The following ELP4 variants were observed in gnomAD, a reference collection of about 807,000 sequenced individuals.
ELP4 encodes elongator complex protein 4.
Under a neutral mutation model 48.9 loss-of-function variants are expected in ELP4, and 51 were observed. That is an observed-to-expected ratio of 1.04 (90% CI 0.83 to 1.32). The LOEUF is 1.32. ELP4 is among the 40% of genes most tolerant of loss of function. The pLI is 0.00. For missense variants in ELP4, 519 were observed against 514.6 expected, an observed-to-expected ratio of 1.01 and a Z score of -0.08; for synonymous variants, 210 against 189.2, an observed-to-expected ratio of 1.11 and a Z score of -0.90.
intron 8 of ELP4, chr11:31,648,856 T>C (rs1239894066): frequency 6.6e-6 from 1 of 151,664 alleles, no homozygotes; most frequent in Non-Finnish European, 1.5e-5. Flanking sequence ...TTCTAATGAC[T>C]AGTATGCTTT....
intron 9 of ELP4, among the ~76,000 whole-genome samples, chr11:31,700,556 G>C (rs998330083): frequency 6.6e-6 from 1 of 151,996 alleles, no homozygotes; most frequent in Admixed American, 6.6e-5. Flanking sequence ...AAGGTATCCT[G>C]GCCCAAATAA....
chr11:31,529,133 T>A (rs1451853757), intron 2 of ELP4, among the ~76,000 whole-genome samples: 1 of 151,832 alleles, frequency 6.6e-6, no homozygotes, highest in Non-Finnish European at 1.5e-5. Flanking sequence ...AAAAAAAAGT[T>A]ATTATGAGGA....
intron 3 of ELP4, among the ~76,000 whole-genome samples, chr11:31,593,562 A>G (rs911186593): frequency 2.0e-5 from 3 of 152,158 alleles, no homozygotes; most frequent in Non-Finnish European, 4.4e-5. Flanking sequence ...AAATACTATT[A>G]CCTCCATTTT....
intron 9 of ELP4, among the ~76,000 whole-genome samples, chr11:31,743,383 T>A (rs1947503395): frequency 6.6e-6 from 1 of 152,186 alleles, no homozygotes; most frequent in Non-Finnish European, 1.5e-5. Flanking sequence ...AACTCAGCTC[T>A]GCACCAAGTG....
At chr11:31,778,939 C>G (rs754640169) in intron 9 of ELP4, among the ~76,000 whole-genome samples, 1 of 152,112 alleles carries the variant, frequency 6.6e-6, no homozygotes, top group Non-Finnish European at 1.5e-5. Flanking sequence ...CCAGGCTGGT[C>G]TTGAACTCCC....
intron 9 of ELP4, among the ~76,000 whole-genome samples, chr11:31,715,886 C>G (rs1481724984): frequency 6.6e-6 from 1 of 152,100 alleles, no homozygotes; most frequent in Non-Finnish European, 1.5e-5. Flanking sequence ...AAATAAAATT[C>G]AAACAGTACA....
chr11:31,776,698 A>G (rs1407883920), intron 9 of ELP4, among the ~76,000 whole-genome samples: 2 of 152,244 alleles, frequency 1.3e-5, no homozygotes, highest in Non-Finnish European at 2.9e-5. Flanking sequence ...TTCAATGGAC[A>G]GCCAATGTGC....
At chr11:31,644,657 C>T (rs1044347318) in intron 7 of ELP4, among the ~76,000 whole-genome samples, 3 of 151,588 alleles carry the variant, frequency 2.0e-5, no homozygotes, top group Non-Finnish European at 2.9e-5. Flanking sequence ...AGTAAATTCA[C>T]CTGCTTTTAT....
chr11:31,698,311 C>T (rs904152262), intron 9 of ELP4, among the ~76,000 whole-genome samples: 1 of 151,994 alleles, frequency 6.6e-6, no homozygotes, highest in Admixed American at 6.6e-5. Flanking sequence ...CTCTTTCAAA[C>T]CTTTTATGTT....
At chr11:31,750,428 T>C (rs79025111) in intron 9 of ELP4, among the ~76,000 whole-genome samples, 3,291 of 152,092 alleles carry the variant, frequency 0.022, 132 homozygotes, top group East Asian at 0.12. Flanking sequence ...GATTACCTCA[T>C]TCACAGTAAA....
rs75265710 is a variant in ELP4 at position 31,551,064 on chromosome 11, A to G, written c.381+11281A>G. ...TCGCACTTGTTTAAAATTTCCATTGAAAGCTCTGCTCTTTGCAACTGATTT... is the reference window on the plus strand; with the variant it reads ...TCGCACTTGTTTAAAATTTCCATTGGAAGCTCTGCTCTTTGCAACTGATTT... On this transcript the variant is annotated intron_variant, in intron 3 of 9. Coordinates refer to ENST00000640961, the MANE Select transcript of ELP4 (RefSeq NM_019040.5). Among the ~76,000 whole-genome samples the G allele has an allele frequency of 8.2e-3, 1,250 of 152,290 alleles. 14 individuals are homozygous for G. The highest frequency in any genetic ancestry group is 0.028 in the African/African-American group (1,166 of 41,564).
chr11:31,645,578 C>G (rs1174755059), intron 7 of ELP4: 1 of 151,640 alleles, frequency 6.6e-6, no homozygotes, highest in Non-Finnish European at 1.5e-5. Flanking sequence ...TAGATGAGTT[C>G]TAACAAAAAT....
intron 2 of ELP4, among the ~76,000 whole-genome samples, chr11:31,525,969 C>G (rs1956288525): frequency 6.6e-6 from 1 of 152,108 alleles, no homozygotes; most frequent in Non-Finnish European, 1.5e-5. Context: ...CCAGACCTTT[C>G]CAGTTTGCCC....
rs115733586 is a variant in ELP4 at position 31,523,994 on chromosome 11, C to T, written c.259+3903C>T. The stretch of plus-strand genomic sequence containing the variant: ...CAAAAAGGTTTAATAGAAGTTGTCA[C>T]CTATTAAAATAATAGGTGACATTTA... On this transcript the variant is annotated intron_variant, in intron 2 of 9. Coordinates refer to ENST00000640961, the MANE Select transcript of ELP4 (RefSeq NM_019040.5). 1.5e-3 allele frequency among the ~76,000 whole-genome samples: 224 copies of T among 151,680 alleles called. 2 individuals are homozygous for T. Among genetic ancestry groups the T allele is most frequent in the African/African-American group, 5.2e-3 (214 of 41,350 alleles).
At position 31,547,571 on chromosome 11, in the gene ELP4, G is replaced by A. The variant is rs911740189; in HGVS notation, c.381+7788G>A. Among the ~76,000 whole-genome samples the A allele has an allele frequency of 2.6e-5, 4 of 152,120 alleles. 1 individual carries two copies. The East Asian group carries it at 5.8e-4, about 22-fold the overall frequency. Reference sequence around the variant, plus strand: ...CTACCAGAGGTACAAGGAGGAACTGGTACCATTCCTTCTGAAACTGTTCCA... The same window carrying A: ...CTACCAGAGGTACAAGGAGGAACTGATACCATTCCTTCTGAAACTGTTCCA... On this transcript the variant is annotated intron_variant, in intron 3 of 9. Coordinates refer to ENST00000640961, the MANE Select transcript of ELP4 (RefSeq NM_019040.5).
intron 3 of ELP4, among the ~76,000 whole-genome samples, chr11:31,548,221 G>A (rs1226289586): frequency 6.6e-6 from 1 of 152,192 alleles, no homozygotes; most frequent in Non-Finnish European, 1.5e-5. Flanking sequence ...TGACGTGATT[G>A]TATATCTAGA....
At chr11:31,533,321 A>G in intron 2 of ELP4, among the ~76,000 whole-genome samples, 1 of 143,094 alleles carries the variant, frequency 7.0e-6, no homozygotes, top group Non-Finnish European at 1.5e-5. Context: ...TTCATTTAGG[A>G]TAATGGCCTC....
intron 9 of ELP4, among the ~76,000 whole-genome samples, chr11:31,716,009 G>GGTTT (rs577865268): frequency 1.6e-3 from 250 of 152,122 alleles, no homozygotes; most frequent in African/African-American, 5.7e-3. Flanking sequence ...AGTACAAGGA[G>GGTTT]GTTTGTTTGT....
intron 9 of ELP4, among the ~76,000 whole-genome samples, chr11:31,700,360 A>G (rs568019815): frequency 6.6e-6 from 1 of 152,236 alleles, no homozygotes; most frequent in South Asian, 2.1e-4. Flanking sequence ...TTATTCTAAA[A>G]TGATCACTGA....
Sources: gnomAD v4.1 joint callset for allele counts (sites outside exome capture counted in the v4.1 genomes callset) on GRCh38, gnomAD v4.1.1 for gene constraint, MANE v1.5 for transcripts, NCBI Gene and HGNC (gene_info 2026-07-23, HGNC 2026-07-21) for gene names.